NOVA2: variants seen among roughly 807,000 people sequenced by gnomAD.
The protein encoded by NOVA2 is RNA-binding protein Nova-2.
In NOVA2, 9 loss-of-function variants were observed where a neutral mutation model predicts 22.5. The observed-to-expected ratio is 0.40, with a 90% CI of 0.24 to 0.70. The LOEUF (loss-of-function observed/expected upper bound fraction) is 0.70. Among genes scored for constraint, NOVA2 ranks in the 30% least tolerant of loss-of-function variants. NOVA2 has a pLI of 0.38. For synonymous variants in NOVA2, 318 were observed against 335.2 expected (o/e 0.95, Z 0.56); for missense variants, 383 against 682.8 (o/e 0.56, Z 4.89).
At chr19:45,947,659 C>A (rs952890982) in intron 3 of NOVA2, among the ~76,000 whole-genome samples, 2 of 151,778 alleles carry the variant, frequency 1.3e-5, no homozygotes, top group Middle Eastern at 3.4e-3. Context: ...TTTTTAGTAG[C>A]GATGGGGTTT....
intron 3 of NOVA2, among the ~76,000 whole-genome samples, chr19:45,945,734 G>A (rs555939748): frequency 9.9e-5 from 15 of 152,156 alleles, no homozygotes; most frequent in Non-Finnish European, 2.1e-4. Flanking sequence ...AGAGAGTCAA[G>A]TGAACATGAC....
At chr19:45,957,949 T>G (rs1021570747) in intron 2 of NOVA2, among the ~76,000 whole-genome samples, 1 of 150,622 alleles carries the variant, frequency 6.6e-6, no homozygotes, top group African/African-American at 2.4e-5. Context: ...TACAAAAACA[T>G]AAAAATAAAA....
Position 45,955,049 on chromosome 19 carries a change from T to C in NOVA2, c.230-1103A>G, listed in dbSNP as rs190901341. On this transcript the variant is annotated intron_variant, in intron 2 of 3. Coordinates refer to ENST00000263257, the MANE Select transcript of NOVA2 (RefSeq NM_002516.4). ...ACAGACTTTGGTGTCGCTTTGATGA[T>C]GAAGGTTATGTAGACTCTTTGTGAG... Among the ~76,000 whole-genome samples, 70 of 152,224 alleles carry C rather than the reference T, an allele frequency of 4.6e-4. 1 individual carries two copies. The highest frequency in any genetic ancestry group is 4.6e-3 in the Admixed American group (70 of 15,282).
intron 1 of NOVA2, among the ~76,000 whole-genome samples, chr19:45,961,525 G>C (rs552734339): frequency 1.7e-4 from 26 of 152,132 alleles, no homozygotes; most frequent in African/African-American, 6.3e-4. Flanking sequence ...AAAAAAGGCA[G>C]GAAAAGGGGG....
intron 3 of NOVA2, among the ~76,000 whole-genome samples, chr19:45,948,332 G>C (rs187657049): frequency 3.1e-3 from 478 of 152,298 alleles, no homozygotes; most frequent in Admixed American, 5.2e-3. Flanking sequence ...GGGCGTGGGG[G>C]CTCATGCCTG....
rs1054245405 is a variant in NOVA2, at chr19:45,935,577, T to C, written c.*4286A>G. The C allele has an allele frequency of 6.6e-6, 1 of 152,240 alleles. No homozygotes were observed. Among genetic ancestry groups the C allele is most frequent in the Admixed American group, 6.5e-5 (1 of 15,276 alleles). The allele number at this position is 152,240 out of a possible 1,614,324, so 9.4% of individuals were successfully genotyped here. Reference sequence around the variant, plus strand: ...TGCTTGTCGAAGGCCTGGCTGGCTGTACCGACAGGCGGGCACTCAGTCAGC... The same window carrying C: ...TGCTTGTCGAAGGCCTGGCTGGCTGCACCGACAGGCGGGCACTCAGTCAGC... On this transcript the variant is annotated 3_prime_UTR_variant, in exon 4 of 4. Coordinates refer to ENST00000263257, the MANE Select transcript of NOVA2 (RefSeq NM_002516.4).
chr19:45,963,601 G>A (rs1968127157), intron 1 of NOVA2, among the ~76,000 whole-genome samples: 2 of 149,898 alleles, frequency 1.3e-5, no homozygotes, highest in Admixed American at 6.6e-5. Flanking sequence ...GCGCGATCTC[G>A]GCTCACTGCA....
intron 2 of NOVA2, among the ~76,000 whole-genome samples, chr19:45,959,071 A>G (rs2146421142): frequency 6.6e-6 from 1 of 152,348 alleles, no homozygotes; most frequent in Non-Finnish European, 1.5e-5. Context: ...TCTGTCTGGC[A>G]CCGGGCTGGC....
Position 45,940,767 on chromosome 19 carries a change from G to T in NOVA2, c.575C>A (p.Ala192Asp). Residue 192 changes from alanine to aspartate, a missense_variant, in exon 4 of 4, where the codon GCC (alanine) becomes GAC (aspartate). Ala to Asp is a moderately radical substitution (Grantham distance 126, BLOSUM62 -2). Around this residue, in one of 2 missense-constraint regions of NOVA2, gnomAD observed 349 missense variants for 578.1 expected, o/e 0.60. Transcript: ENST00000263257. The stretch of plus-strand genomic sequence containing the variant: ...TACCTTCTGCACGATGGCGCTCACG[G>T]CCTTGTGCACCTGCTCGGGCTCGCC... ...VSGEPEQVHK[A>D]VSAIVQKVQE... is the part of the protein sequence containing the mutation. The T allele has an allele frequency of 6.2e-7, 1 of 1,609,044 alleles. No homozygotes were observed.
chr19:45,952,723 C>G (rs1425733194), intron 3 of NOVA2, among the ~76,000 whole-genome samples: 1 of 152,196 alleles, frequency 6.6e-6, no homozygotes, highest in Non-Finnish European at 1.5e-5. Context: ...TGGCGGGGAG[C>G]GAGGAGCTTC....
intron 3 of NOVA2, among the ~76,000 whole-genome samples, chr19:45,948,440 A>G (rs541936102): frequency 6.6e-6 from 1 of 152,152 alleles, no homozygotes; most frequent in Non-Finnish European, 1.5e-5. Context: ...TCTACTAAAA[A>G]TACAAAAAAA....
intron 3 of NOVA2, among the ~76,000 whole-genome samples, chr19:45,947,470 G>GTTTTTTTTTTTTTTTTTTTTTT (rs5828256): frequency 1.4e-5 from 2 of 147,290 alleles, no homozygotes; most frequent in Non-Finnish European, 1.5e-5. Flanking sequence ...AAGCACCCTA[G>GTTTTTTTTTTTTTTTTTTTTTT]TTTTTTTTTT....
chr19:45,958,060 C>T (rs755671589), intron 2 of NOVA2, among the ~76,000 whole-genome samples: 44 of 146,302 alleles, frequency 3.0e-4, no homozygotes, highest in Non-Finnish European at 4.2e-4. Context: ...TGCAGTGAGC[C>T]GAGATCACGC....
chr19:45,965,023 A>G (rs1338379568), intron 1 of NOVA2, among the ~76,000 whole-genome samples: 1 of 152,130 alleles, frequency 6.6e-6, no homozygotes, highest in East Asian at 1.9e-4. Context: ...TAATCAGACC[A>G]TTAAGCCTAT....
intron 2 of NOVA2, among the ~76,000 whole-genome samples, chr19:45,957,395 TG>T (rs1249269019): frequency 6.6e-6 from 1 of 151,930 alleles, no homozygotes; most frequent in Non-Finnish European, 1.5e-5. Flanking sequence ...AAAAATTAGC[TG>T]GGCATGGTAA....
At chr19:45,962,844 C>A (rs1305411471) in intron 1 of NOVA2, among the ~76,000 whole-genome samples, 1 of 152,002 alleles carries the variant, frequency 6.6e-6, no homozygotes, top group Non-Finnish European at 1.5e-5. Flanking sequence ...GACGGGGTTT[C>A]GCCATGTTGG....
In NOVA2 at chr19:45,973,562, G is replaced by T. The variant is rs1336410998; in HGVS notation, c.-211C>A. The T allele has an allele frequency of 1.4e-5, 1 of 73,960 alleles. No homozygotes were observed. The highest frequency in any genetic ancestry group is 2.9e-5 in the Non-Finnish European group (1 of 34,408). 4.6% of individuals were successfully genotyped at this position (73,960 alleles called of 1,614,324 possible). ...TCCTCATGGTGGGGGGGGGCGGGGG[G>T]CGGGGGGCGGGGGAGGGGGAGGGGA... On this transcript the variant is annotated 5_prime_UTR_variant, in exon 1 of 4. Coordinates refer to ENST00000263257, the MANE Select transcript of NOVA2 (RefSeq NM_002516.4).
chr19:45,971,393 G>C (rs910449276), intron 1 of NOVA2, among the ~76,000 whole-genome samples: 2 of 152,126 alleles, frequency 1.3e-5, no homozygotes, highest in Non-Finnish European at 2.9e-5. Context: ...GGGAACAGCA[G>C]TGGGGCAGGA....
Position 45,935,629 on chromosome 19 carries a change from C to A in NOVA2, c.*4234G>T, listed in dbSNP as rs187280824. 6 of 152,468 alleles carry A rather than the reference C, an allele frequency of 3.9e-5. No homozygotes were observed. Among genetic ancestry groups the A allele is most frequent in the Non-Finnish European group, 8.8e-5 (6 of 68,072 alleles). 9.4% of individuals were successfully genotyped at this position (152,468 alleles called of 1,614,324 possible). ...GCCTGGACGCCCCAACTGCCATCCTCATCGCCACTCTTGTTAATACTTTTG... is the reference window on the plus strand; with the variant it reads ...GCCTGGACGCCCCAACTGCCATCCTAATCGCCACTCTTGTTAATACTTTTG... On this transcript the variant is annotated 3_prime_UTR_variant, in exon 4 of 4. Transcript: ENST00000263257.
Sources: allele counts gnomAD v4.1 joint callset (sites outside exome capture counted in the v4.1 genomes callset), GRCh38; gene constraint gnomAD v4.1.1; regional missense constraint gnomAD v4.1.1; transcripts MANE v1.5; gene names NCBI Gene and HGNC (gene_info 2026-07-23, HGNC 2026-07-21).